The following CCDC88A variants were observed in gnomAD, a reference collection of about 807,000 sequenced individuals.
The protein encoded by CCDC88A is girdin.
In CCDC88A, 54 loss-of-function variants were observed where a neutral mutation model predicts 234.3. The observed-to-expected ratio is 0.23, with a 90% CI of 0.19 to 0.29. The LOEUF (loss-of-function observed/expected upper bound fraction) is 0.29. CCDC88A is among the 10% of genes least tolerant of loss of function. CCDC88A has a pLI of 1.00. For synonymous variants in CCDC88A, 753 were observed against 737.8 expected, an observed-to-expected ratio of 1.02 and a Z score of -0.33; for missense variants, 1,832 against 2,123.4, an observed-to-expected ratio of 0.86 and a Z score of 2.70.
In CCDC88A at chr2:55,371,789, T is replaced by C. The variant is rs532922105; in HGVS notation, c.402+663A>G. Among the ~76,000 whole-genome samples, 114 of 23,938 alleles carry C rather than the reference T, an allele frequency of 4.8e-3. 1 individual carries two copies. Among genetic ancestry groups the C allele is most frequent in the East Asian group, 0.026 (100 of 3,774 alleles). The allele number at this position is 23,938 out of a possible 152,430, so 15.7% of individuals were successfully genotyped here. On this transcript the variant is annotated intron_variant, in intron 5 of 32. Coordinates refer to ENST00000436346, the MANE Select transcript of CCDC88A (RefSeq NM_001365480.1). Reference sequence around the variant, plus strand: ...GCATGAGCCACCACGCCTAGCCCACTCTATAATTATTAACAGTACCTTCTT... The same window carrying C: ...GCATGAGCCACCACGCCTAGCCCACCCTATAATTATTAACAGTACCTTCTT...
chr2:55,297,613 G>C lies in CCDC88A; in HGVS notation c.4826-1090C>G, dbSNP rs1378409096. On this transcript the variant is annotated intron_variant, in intron 29 of 32. Transcript: ENST00000436346. ...TTTAGTAGAGACGGGGCTTCACCATGTTGGCCAGGTTGGTCTGTAACTCCT... is the reference window on the plus strand; with the variant it reads ...TTTAGTAGAGACGGGGCTTCACCATCTTGGCCAGGTTGGTCTGTAACTCCT... Among the ~76,000 whole-genome samples, 3 of 150,590 alleles carry C rather than the reference G, an allele frequency of 2.0e-5. No individual in the cohort carries two copies. The East Asian group carries it at 5.9e-4, about 30-fold the overall frequency.
At chr2:55,296,757 A>G (rs1447092557) in intron 29 of CCDC88A, 2 of 521,188 alleles carry the variant, frequency 3.8e-6, no homozygotes, top group Non-Finnish European at 6.8e-6. Flanking sequence ...CCATAAGGGC[A>G]AAGACTTGCT....
chr2:55,336,675 A>G lies in CCDC88A; in HGVS notation c.1656+6T>C, dbSNP rs1035480582. On this transcript the variant is annotated splice_donor_region_variant and intron_variant, in intron 14 of 32. Coordinates refer to ENST00000436346, the MANE Select transcript of CCDC88A (RefSeq NM_001365480.1). Reference sequence around the variant, plus strand: ...ACATTGTTTACTTAGTAAAAAATGTATGAACCTGTCTCTCTGAATTTTCTC... The same window carrying G: ...ACATTGTTTACTTAGTAAAAAATGTGTGAACCTGTCTCTCTGAATTTTCTC... 8.0e-5 allele frequency: 124 copies of G among 1,545,862 alleles called. No individual in the cohort carries two copies. Among genetic ancestry groups the G allele is most frequent in the Non-Finnish European group, 1.1e-4 (122 of 1,148,974 alleles).
chr2:55,336,652 ATTGT>A (rs781203208), intron 14 of CCDC88A, 25 bp downstream of exon 14: 2 of 1,417,848 alleles, frequency 1.4e-6, no homozygotes, highest in Admixed American at 2.4e-5. Context: ...TTTAAAATAC[ATTGT>A]TTACTTAGTA....
chr2:55,378,455 C>T (rs1440192865), intron 3 of CCDC88A, among the ~76,000 whole-genome samples: 4 of 151,992 alleles, frequency 2.6e-5, no homozygotes, highest in Non-Finnish European at 5.9e-5. Flanking sequence ...GTCAAAACAC[C>T]CAGGCTTAAA....
chr2:55,317,785 T>G lies in CCDC88A; in HGVS notation c.3381A>C (p.Gln1127His). The G allele has an allele frequency of 6.2e-7, 1 of 1,611,802 alleles. No individual in the cohort carries two copies. Among genetic ancestry groups the G allele is most frequent in the Non-Finnish European group, 8.5e-7 (1 of 1,178,318 alleles). ...CTAAGGAAGACTGCTGGATTAGGAGTTGGGCATTCTGGTTCATGAGTGAGG... is the reference window on the plus strand; with the variant it reads ...CTAAGGAAGACTGCTGGATTAGGAGGTGGGCATTCTGGTTCATGAGTGAGG... ...QSTSLMNQNA[Q>H]LLIQQSSLEN... Residue 1127 changes from glutamine to histidine, a missense_variant, in exon 20 of 33, where the codon CAA becomes CAC. Transcript: ENST00000436346. This position sits in a 1 kb window ranked among gnomAD's most constrained non-coding sequence, Gnocchi z 4.2.
At chr2:55,342,300 T>A (rs533281546) in intron 12 of CCDC88A, among the ~76,000 whole-genome samples, 1 of 152,132 alleles carries the variant, frequency 6.6e-6, no homozygotes, top group Admixed American at 6.6e-5. Context: ...AAAAACTACA[T>A]ACACCACAGT....
intron 2 of CCDC88A, among the ~76,000 whole-genome samples, chr2:55,402,894 A>T (rs1207620459): frequency 6.6e-6 from 1 of 151,916 alleles, no homozygotes; most frequent in African/African-American, 2.4e-5. Flanking sequence ...CTGTAGTCCC[A>T]GTTACTAGGG....
chr2:55,288,946 T>C lies in CCDC88A; in HGVS notation c.*2254A>G, dbSNP rs569149179. On this transcript the variant is annotated 3_prime_UTR_variant, in exon 33 of 33. Coordinates refer to ENST00000436346, the MANE Select transcript of CCDC88A (RefSeq NM_001365480.1). Reference sequence around the variant, plus strand: ...AGTAAAATATTCATGTGGTTACTACTGTCTAGTCGTTTCTTGAAATGGTAT... The same window carrying C: ...AGTAAAATATTCATGTGGTTACTACCGTCTAGTCGTTTCTTGAAATGGTAT... The C allele has an allele frequency of 6.6e-6, 1 of 152,328 alleles. No homozygotes were observed. Among genetic ancestry groups the C allele is most frequent in the Admixed American group, 6.5e-5 (1 of 15,298 alleles). 9.4% of individuals were successfully genotyped at this position (152,328 alleles called of 1,614,324 possible).
chr2:55,373,073 T>C (rs1558763580), intron 4 of CCDC88A, among the ~76,000 whole-genome samples: 3 of 152,206 alleles, frequency 2.0e-5, no homozygotes, highest in Admixed American at 6.5e-5. Context: ...TAACAATCTA[T>C]AACAGAAATG....
At chr2:55,302,508 T>C (rs1006137024) in intron 26 of CCDC88A, among the ~76,000 whole-genome samples, 1 of 152,170 alleles carries the variant, frequency 6.6e-6, no homozygotes, top group Non-Finnish European at 1.5e-5. Flanking sequence ...AAATTATTCA[T>C]TTTATGACTC....
chr2:55,416,393 A>G (rs560882467), intron 2 of CCDC88A, among the ~76,000 whole-genome samples: 1 of 138,626 alleles, frequency 7.2e-6, no homozygotes, highest in African/African-American at 2.5e-5. Context: ...ACTAATATAT[A>G]TGTAACTGGA....
chr2:55,304,593 A>C (rs1681309204), intron 25 of CCDC88A, among the ~76,000 whole-genome samples: 1 of 152,190 alleles, frequency 6.6e-6, no homozygotes, highest in African/African-American at 2.4e-5. Flanking sequence ...GAGGTACCCC[A>C]AAGCAAGCAA....
intron 29 of CCDC88A, among the ~76,000 whole-genome samples, chr2:55,299,572 T>C (rs1381829350): frequency 2.0e-5 from 3 of 152,342 alleles, no homozygotes; most frequent in South Asian, 2.1e-4. Flanking sequence ...TAAGGACATA[T>C]AGATAATTTT....
At chr2:55,351,425 G>C (rs1243642539) in intron 8 of CCDC88A, among the ~76,000 whole-genome samples, 1 of 151,870 alleles carries the variant, frequency 6.6e-6, no homozygotes, top group Admixed American at 6.6e-5. Flanking sequence ...CCAGCTCACT[G>C]CAGCCTTGAC....
intron 8 of CCDC88A, 136 bp from the exon 9 acceptor site, chr2:55,349,735 A>G (rs76235821): frequency 0.52 from 211,753 of 409,920 alleles, 46,015 homozygotes; most frequent in East Asian, 0.79. Flanking sequence ...TCTAGAAGAT[A>G]AAAAAAAAAA....
chr2:55,291,699 T>C lies in CCDC88A; in HGVS notation c.*12A>G. On this transcript the variant is annotated 3_prime_UTR_variant, in exon 32 of 33. Transcript: ENST00000436346. ...ACCACTTGGCCCACATGTCATGTAG[T>C]GGGTAATAGAATTAGGAGCTTTGTT... is the stretch of plus-strand genomic sequence containing the variant. The C allele has an allele frequency of 3.8e-6, 6 of 1,579,112 alleles. No homozygotes were observed. Among genetic ancestry groups the C allele is most frequent in the Non-Finnish European group, 5.2e-6 (6 of 1,152,096 alleles).
intron 18 of CCDC88A, among the ~76,000 whole-genome samples, chr2:55,321,551 C>CAA (rs142503592): frequency 3.4e-5 from 5 of 148,384 alleles, no homozygotes; most frequent in African/African-American, 1.2e-4. Context: ...GACTCCGTCT[C>CAA]AAAAAAAAAC....
At chr2:55,366,528 C>CACACAT (rs1334076798) in intron 5 of CCDC88A, among the ~76,000 whole-genome samples, 12 of 120,048 alleles carry the variant, frequency 1.0e-4, no homozygotes, top group Non-Finnish European at 1.7e-4. Flanking sequence ...CTCTGTCACA[C>CACACAT]ACACATACAC....
Sources: gnomAD v4.1 joint callset for allele counts (sites outside exome capture counted in the v4.1 genomes callset) on GRCh38, gnomAD v4.1.1 for gene constraint, Gnocchi (gnomAD v3.1) non-coding constraint, MANE v1.5 for transcripts, NCBI Gene and HGNC (gene_info 2026-07-23, HGNC 2026-07-21) for gene names.